Variants in DMD observed in about 807,000 individuals in gnomAD.
DMD encodes the protein mutant dystrophin.
DMD carries 63 observed loss-of-function variants against 330.1 expected under a neutral mutation model. The ratio of observed to expected loss-of-function variants is 0.19; its 90% CI spans 0.16 to 0.24. The LOEUF (loss-of-function observed/expected upper bound fraction) is 0.24, where lower values mean the gene tolerates loss of function less well. Among genes scored for constraint, DMD ranks in the 10% least tolerant of loss-of-function variants. DMD has a pLI of 1.00. For synonymous variants in DMD, 1,223 were observed against 959.8 expected (o/e 1.27, Z -5.07); for missense variants, 3,344 against 2,684.1 (o/e 1.25, Z -5.43).
intron 64 of DMD, among the ~76,000 whole-genome samples, chrX:31,217,704 G>A (rs2045558996): frequency 8.9e-6 from 1 of 111,950 alleles, no homozygotes; most frequent in African/African-American, 3.2e-5. Flanking sequence ...ATAAAATTAG[G>A]AGAAAATTCT....
chrX:32,442,233 A>G (rs941874391), intron 27 of DMD, among the ~76,000 whole-genome samples: 2 of 110,963 alleles, frequency 1.8e-5, no homozygotes, highest in African/African-American at 6.5e-5. Context: ...GACACCATCA[A>G]GTAATTGAAA....
Position 33,161,216 on chromosome X carries a change from T to C in DMD, c.31+50066A>G, listed in dbSNP as rs141028349. On this transcript the variant is annotated intron_variant, in intron 1 of 78. Transcript: ENST00000357033. ...CTTTATCAATTAGTCACATCATTTA[T>C]ATCATTTATTGAGCACTGTTCTAAG... Among the ~76,000 whole-genome samples, 576 of 111,808 alleles carry C rather than the reference T, an allele frequency of 5.2e-3. 3 individuals are homozygous for C. Among genetic ancestry groups the C allele is most frequent in the African/African-American group, 0.018 (550 of 30,773 alleles).
At chrX:32,805,784 A>C (rs748087813) in intron 7 of DMD, among the ~76,000 whole-genome samples, 1 of 112,142 alleles carries the variant, frequency 8.9e-6, no homozygotes, top group South Asian at 3.7e-4. Context: ...GCCAATATTC[A>C]ACATTCTTAA....
At chrX:32,295,599 A>G (rs1202713787) in intron 42 of DMD, among the ~76,000 whole-genome samples, 1 of 112,646 alleles carries the variant, frequency 8.9e-6, no homozygotes, top group Non-Finnish European at 1.9e-5. Context: ...AATAATTTGA[A>G]CATAAAAATG....
rs973049071 is a variant in DMD at position 32,072,300 on chromosome X, T to C, written c.6439-103786A>G. 2.7e-5 allele frequency among the ~76,000 whole-genome samples: 3 copies of C among 112,001 alleles called. No individual in the cohort carries two copies. In the Admixed American group the frequency reaches 2.9e-4, roughly 11 times the overall value. On this transcript the variant is annotated intron_variant, in intron 44 of 78. Transcript: ENST00000357033. ...CTACATTATTTTTAAAACACTGCTC[T>C]TTTGAGATTTTAAAATTGTTATTTA...
chrX:32,580,219 G>C (rs898017626), intron 13 of DMD, among the ~76,000 whole-genome samples: 2 of 111,053 alleles, frequency 1.8e-5, no homozygotes, highest in Non-Finnish European at 3.8e-5. Flanking sequence ...CGCAGACTCT[G>C]AGCTCCTTGA....
chrX:32,009,245 A>G (rs1483327797), intron 44 of DMD, among the ~76,000 whole-genome samples: 1 of 111,753 alleles, frequency 8.9e-6, no homozygotes, highest in Non-Finnish European at 1.9e-5. Flanking sequence ...GGAGTCAGTC[A>G]ATCTTTTAGC....
At chrX:31,287,929 C>A (rs756997795) in intron 62 of DMD, among the ~76,000 whole-genome samples, 2 of 111,486 alleles carry the variant, frequency 1.8e-5, no homozygotes, top group Non-Finnish European at 3.8e-5. Flanking sequence ...ATACTCCAGT[C>A]AAAGACACCA....
intron 6 of DMD, among the ~76,000 whole-genome samples, chrX:32,810,078 G>A (rs73621839): frequency 2.8e-3 from 305 of 110,563 alleles, no homozygotes; most frequent in South Asian, 0.011. Flanking sequence ...AACCATAATC[G>A]TGCCACTGTA....
intron 49 of DMD, among the ~76,000 whole-genome samples, chrX:31,833,285 AGAGAGAGG>A (rs746705878): frequency 0.036 from 1,207 of 33,406 alleles, 21 homozygotes; most frequent in Non-Finnish European, 0.038. Context: ...AGAGAGAGAG[AGAGAGAGG>A]GAGAGAGGGA....
At chrX:32,764,916 G>A (rs1383618811) in intron 7 of DMD, among the ~76,000 whole-genome samples, 2 of 103,536 alleles carry the variant, frequency 1.9e-5, no homozygotes, top group Non-Finnish European at 3.9e-5. Flanking sequence ...GTTCACAAGT[G>A]TTCAAATTTT....
At chrX:32,108,645 T>G (rs895343275) in intron 44 of DMD, among the ~76,000 whole-genome samples, 2 of 111,918 alleles carry the variant, frequency 1.8e-5, no homozygotes, top group African/African-American at 6.5e-5. Flanking sequence ...GTGGTATCTT[T>G]TCTCTGCTAT....
intron 2 of DMD, among the ~76,000 whole-genome samples, chrX:32,994,393 A>G (rs2093062646): frequency 9.0e-6 from 1 of 111,353 alleles, no homozygotes; most frequent in African/African-American, 3.3e-5. Context: ...GAAAATATTA[A>G]AAAGAATCCT....
chrX:32,456,473 C>T (rs756863390), intron 25 of DMD, among the ~76,000 whole-genome samples: 2 of 110,825 alleles, frequency 1.8e-5, no homozygotes, highest in South Asian at 7.6e-4. Context: ...AAACTCTGCT[C>T]TGTTATAATC....
At chrX:31,304,195 T>C (rs748195778) in intron 62 of DMD, among the ~76,000 whole-genome samples, 1 of 112,230 alleles carries the variant, frequency 8.9e-6, no homozygotes, top group South Asian at 3.7e-4. Context: ...TCTTACTAAC[T>C]TGGCTAATTA....
At chrX:31,931,432 T>C (rs1486610769) in intron 46 of DMD, among the ~76,000 whole-genome samples, 2 of 110,433 alleles carry the variant, frequency 1.8e-5, no homozygotes, top group African/African-American at 6.6e-5. Context: ...GAAAAGCCAC[T>C]GGAATAAGCT....
chrX:32,505,506 C>T (rs955284686), intron 18 of DMD, among the ~76,000 whole-genome samples: 1 of 112,176 alleles, frequency 8.9e-6, no homozygotes, highest in Non-Finnish European at 1.9e-5. Flanking sequence ...AGAACACTGA[C>T]AAAACCAAAA....
chrX:33,105,626 A>G (rs2095279578), intron 1 of DMD, among the ~76,000 whole-genome samples: 1 of 112,207 alleles, frequency 8.9e-6, no homozygotes, highest in African/African-American at 3.2e-5. Context: ...AAGAATATAC[A>G]TTTCTCAAAA....
intron 2 of DMD, among the ~76,000 whole-genome samples, chrX:32,922,680 C>A: frequency 8.9e-6 from 1 of 112,465 alleles, no homozygotes; most frequent in African/African-American, 3.2e-5. Context: ...CAGGCTTGCC[C>A]GGGGCTCACT....
Sources: gnomAD v4.1 joint callset for allele counts (sites outside exome capture counted in the v4.1 genomes callset) on GRCh38, gnomAD v4.1.1 for gene constraint, MANE v1.5 for transcripts, NCBI Gene and HGNC (gene_info 2026-07-23, HGNC 2026-07-21) for gene names.